Variants in THSD7B observed in about 807,000 individuals in gnomAD.
THSD7B encodes the protein thrombospondin type-1 domain-containing protein 7B.
In THSD7B, 138 loss-of-function variants were observed where a neutral mutation model predicts 213.6. The observed-to-expected ratio is 0.65, with a 90% confidence interval of 0.56 to 0.74. The LOEUF (loss-of-function observed/expected upper bound fraction) is 0.74, where lower values mean the gene tolerates loss of function less well. Among genes scored for constraint, THSD7B ranks in the 30% least tolerant of loss-of-function variants. The probability of loss-of-function intolerance (pLI) is 0.00; values close to 1 mark genes in which losing one functional copy is unlikely to be tolerated. For missense variants in THSD7B, 1,931 were observed against 1,991.5 expected (o/e 0.97, Z 0.58); for synonymous variants, 742 against 687.0 (o/e 1.08, Z -1.25).
intron 2 of THSD7B, among the ~76,000 whole-genome samples, chr2:136,983,954 G>A (rs910511144): frequency 1.3e-5 from 2 of 152,206 alleles, no homozygotes; most frequent in Non-Finnish European, 2.9e-5. Flanking sequence ...CTAGTCTATA[G>A]ACTGAAGTGT....
intron 14 of THSD7B, among the ~76,000 whole-genome samples, chr2:137,444,063 G>A (rs561284834): frequency 1.3e-5 from 2 of 152,092 alleles, no homozygotes; most frequent in Admixed American, 6.6e-5. Context: ...CTGGTAGACA[G>A]TACTTTCAAA....
At chr2:137,521,710 C>T (rs1310825679) in intron 15 of THSD7B, among the ~76,000 whole-genome samples, 1 of 152,200 alleles carries the variant, frequency 6.6e-6, no homozygotes, top group African/African-American at 2.4e-5. Context: ...GTAGAGGGGA[C>T]ACTGGCATCT....
intron 1 of THSD7B, among the ~76,000 whole-genome samples, chr2:136,823,817 G>T (rs928493986): frequency 8.5e-5 from 13 of 152,130 alleles, no homozygotes; most frequent in African/African-American, 2.9e-4. Flanking sequence ...TAACAAAGAA[G>T]ATCTGGATAA....
In THSD7B at chr2:137,128,069, G is replaced by A. The variant is rs1688659667; in HGVS notation, c.1369+12776G>A. 2.0e-5 allele frequency among the ~76,000 whole-genome samples: 3 copies of A among 152,030 alleles called. No individual in the cohort carries two copies. In the South Asian group the frequency reaches 6.2e-4, roughly 31 times the overall value. ...TGTAATATTTTCTTTTCTTATTACT[G>A]GTAATATTTTCTTCCATTGAACTAA... On this transcript the variant is annotated intron_variant, in intron 5 of 27. Coordinates refer to ENST00000409968, the MANE Select transcript of THSD7B (RefSeq NM_001316349.2).
In THSD7B at chr2:137,170,764, G is replaced by A; in HGVS notation, c.1549G>A (p.Val517Ile). 6.2e-7 allele frequency: 1 copy of A among 1,613,558 alleles called. No individual in the cohort carries two copies. The highest frequency in any genetic ancestry group is 8.5e-7 in the Non-Finnish European group (1 of 1,179,696). The change falls in exon 7 of 28, where the codon GTC (valine) becomes ATC (isoleucine). Residue 517 changes from valine (V) to isoleucine (I), a missense_variant. Transcript: ENST00000409968. ...AGGATTTAGAACGAGGCAGCGCCAT[G>A]TCCTCATGGAATCTACAGGGCCTGC... ...KKGFRTRQRHVLMESTGPAGH... is the reference protein window; with the variant it reads ...KKGFRTRQRHILMESTGPAGH...
chr2:137,673,630 C>A (rs981929703), intron 27 of THSD7B, among the ~76,000 whole-genome samples: 3 of 152,202 alleles, frequency 2.0e-5, no homozygotes, highest in Non-Finnish European at 4.4e-5. Context: ...GTTCTAAAGA[C>A]AAGCCTCCTA....
intron 15 of THSD7B, among the ~76,000 whole-genome samples, chr2:137,522,212 C>T (rs1680198840): frequency 6.6e-6 from 1 of 152,190 alleles, no homozygotes; most frequent in African/African-American, 2.4e-5. Flanking sequence ...TGTGTGTAGT[C>T]TTAAGAGTCC....
At chr2:136,859,987 T>C (rs1318881296) in intron 1 of THSD7B, among the ~76,000 whole-genome samples, 4 of 149,276 alleles carry the variant, frequency 2.7e-5, no homozygotes, top group Non-Finnish European at 5.9e-5. Context: ...CAGTTTTACA[T>C]TGGAGTAGAT....
intron 12 of THSD7B, among the ~76,000 whole-genome samples, chr2:137,393,254 C>T (rs181913109): frequency 4.0e-5 from 6 of 151,386 alleles, no homozygotes; most frequent in Admixed American, 1.3e-4. Context: ...TGGTGCACTG[C>T]ACCCACTAAC....
chr2:136,999,344 T>C (rs1685959357), intron 2 of THSD7B, among the ~76,000 whole-genome samples: 1 of 152,196 alleles, frequency 6.6e-6, no homozygotes, highest in South Asian at 2.1e-4. Flanking sequence ...AGATCATGGA[T>C]TCCTTCATGT....
chr2:137,473,640 T>C (rs1411627585), intron 15 of THSD7B, among the ~76,000 whole-genome samples: 1 of 152,148 alleles, frequency 6.6e-6, no homozygotes, highest in Non-Finnish European at 1.5e-5. Context: ...GATGTGTGAT[T>C]GGGAGTGCAG....
chr2:137,423,545 A>G (rs776812410), intron 14 of THSD7B, among the ~76,000 whole-genome samples: 2 of 152,082 alleles, frequency 1.3e-5, no homozygotes, highest in African/African-American at 4.8e-5. Context: ...TTATAATAGC[A>G]TCAAAAAGAC....
At chr2:137,472,849 A>G (rs1435389540) in intron 15 of THSD7B, among the ~76,000 whole-genome samples, 1 of 152,166 alleles carries the variant, frequency 6.6e-6, no homozygotes, top group Non-Finnish European at 1.5e-5. Flanking sequence ...ATTAATCTTT[A>G]ATCTATGCAT....
chr2:136,975,112 G>A (rs1038315147), intron 2 of THSD7B, among the ~76,000 whole-genome samples: 3 of 150,992 alleles, frequency 2.0e-5, no homozygotes, highest in African/African-American at 7.3e-5. Context: ...TTGTCAGATG[G>A]ATAAATTGCA....
chr2:137,618,350 C>T (rs780496096), intron 18 of THSD7B, 42 bp from the exon 19 acceptor site: 8 of 1,540,842 alleles, frequency 5.2e-6, no homozygotes, highest in South Asian at 3.4e-5. Context: ...GCTCACATGG[C>T]CATAATTTTG....
chr2:136,847,997 G>C (rs564890017), intron 1 of THSD7B, among the ~76,000 whole-genome samples: 1 of 152,124 alleles, frequency 6.6e-6, no homozygotes. Flanking sequence ...CTCTCACTGT[G>C]GGGGTGGAAG....
intron 15 of THSD7B, among the ~76,000 whole-genome samples, chr2:137,482,397 T>G (rs1688327930): frequency 1.3e-5 from 2 of 152,206 alleles, no homozygotes; most frequent in Admixed American, 6.5e-5. Flanking sequence ...ATTTGTTTAT[T>G]TACTGTAGGA....
At chr2:136,791,212 A>G (rs1042951783) in intron 1 of THSD7B, among the ~76,000 whole-genome samples, 1 of 152,058 alleles carries the variant, frequency 6.6e-6, no homozygotes, top group African/African-American at 2.4e-5. Context: ...TCTCCCCTCC[A>G]AAAATACAAA....
rs554545878 is a variant in THSD7B, at chr2:136,864,769, G to T, written c.-35-17375G>T. ...GGGTTTCCCCATGTTAGCCAGGATG[G>T]TCTTGATCTCCTGACCTCATTATCC... is the stretch of plus-strand genomic sequence containing the variant. On this transcript the variant is annotated intron_variant, in intron 1 of 27. Coordinates refer to ENST00000409968, the MANE Select transcript of THSD7B (RefSeq NM_001316349.2). 2.0e-5 allele frequency among the ~76,000 whole-genome samples: 3 copies of T among 152,248 alleles called. 1 individual carries two copies. In the South Asian group the frequency reaches 6.2e-4, roughly 32 times the overall value.
Sources: gnomAD v4.1 joint callset for allele counts (sites outside exome capture counted in the v4.1 genomes callset) on GRCh38, gnomAD v4.1.1 for gene constraint, MANE v1.5 for transcripts, NCBI Gene and HGNC (gene_info 2026-07-23, HGNC 2026-07-21) for gene names.